Variants in SPINK2 observed in about 807,000 individuals in gnomAD.
SPINK2 encodes the protein serine peptidase inhibitor Kazal type 2.
A neutral mutation model predicts 13.5 loss-of-function variants in SPINK2; 8 were observed. That is an observed-to-expected ratio of 0.59 (90% CI 0.35 to 1.07). SPINK2 has a LOEUF of 1.07. Ranked by LOEUF, SPINK2 falls within the 50% of genes least tolerant of loss-of-function variation. SPINK2 has a pLI of 0.02. For missense variants in SPINK2, 148 were observed against 180.3 expected, an observed-to-expected ratio of 0.82 and a Z score of 1.03; for synonymous variants, 76 against 74.7, an observed-to-expected ratio of 1.02 and a Z score of -0.09.
intron 2 of SPINK2, among the ~76,000 whole-genome samples, chr4:56,812,563 C>CAAAAAAAAAAAAAAAA (rs57162077): frequency 3.7e-4 from 6 of 16,368 alleles, no homozygotes; most frequent in Non-Finnish European, 4.9e-4. Flanking sequence ...AACTCCATCT[C>CAAAAAAAAAAAAAAAA]AAAAAAAAAA....
At chr4:56,820,501 A>G in intron 2 of SPINK2, 35 bp downstream of exon 2, 1 of 1,569,134 alleles carries the variant, frequency 6.4e-7, no homozygotes, top group Non-Finnish European at 8.8e-7. Context: ...GCTTCACTGT[A>G]TTAGTAGAAA....
chr4:56,811,629 G>GAA (rs796760763), intron 3 of SPINK2, 56 bp downstream of exon 3: 6 of 1,162,490 alleles, frequency 5.2e-6, no homozygotes, highest in Non-Finnish European at 7.3e-6. Context: ...AAAAAAAGAA[G>GAA]AAAAAAAAAG....
At chr4:56,818,426 A>C (rs972636305) in intron 2 of SPINK2, 14 of 152,178 alleles carry the variant, frequency 9.2e-5, no homozygotes, top group African/African-American at 3.4e-4. Flanking sequence ...TGGAAGGCCA[A>C]GGTGGGTGCA....
chr4:56,809,861 T>G lies in SPINK2; in HGVS notation c.*278A>C, dbSNP rs912192002. The G allele has an allele frequency of 5.5e-6, 4 of 725,782 alleles. No homozygotes were observed. Among genetic ancestry groups the G allele is most frequent in the Non-Finnish European group, 8.5e-6 (4 of 471,712 alleles). The allele number at this position is 725,782 out of a possible 1,614,324, so 45.0% of individuals were successfully genotyped here. Reference sequence around the variant, plus strand: ...ATTTTCAACAGAGAACAGTAGGAACTGAATTCAATGCTGATTTTATTTCAA... The same window carrying G: ...ATTTTCAACAGAGAACAGTAGGAACGGAATTCAATGCTGATTTTATTTCAA... On this transcript the variant is annotated 3_prime_UTR_variant, in exon 4 of 4. Coordinates refer to ENST00000506738, the MANE Select transcript of SPINK2 (RefSeq NM_001271718.2).
intron 3 of SPINK2, among the ~76,000 whole-genome samples, chr4:56,811,308 T>A (rs544085351): frequency 2.0e-5 from 3 of 152,108 alleles, no homozygotes; most frequent in Non-Finnish European, 4.4e-5. Flanking sequence ...ACCCCCTAAG[T>A]AATCAAAATT....
Position 56,821,531 on chromosome 4 carries a change from G to T in SPINK2, c.132C>A (p.Pro44=). Residue 44 remains proline, a synonymous_variant, in exon 1 of 4, where the codon CCC becomes CCA. Transcript: ENST00000506738. ...CGCCGAGGCCGCCCGGAGCAGGGCAGGGTCCGCCGCCGGTCTGACTCCCAA... is the reference window on the plus strand; with the variant it reads ...CGCCGAGGCCGCCCGGAGCAGGGCATGGTCCGCCGCCGGTCTGACTCCCAA... ...SGFGSQTGGG[P]CPAPGGLGDG... 1.3e-6 allele frequency: 2 copies of T among 1,545,294 alleles called. No homozygotes were observed. The highest frequency in any genetic ancestry group is 2.4e-5 in the East Asian group (1 of 40,854).
intron 2 of SPINK2, among the ~76,000 whole-genome samples, chr4:56,819,614 C>CTTTTTTTTTTTTTTTT: frequency 1.0e-5 from 1 of 96,058 alleles, no homozygotes; most frequent in Non-Finnish European, 2.0e-5. Flanking sequence ...ACTTTTTTTT[C>CTTTTTTTTTTTTTTTT]TTTCTTTTTT....
In SPINK2 at chr4:56,821,503, C is replaced by T. The variant is rs1314953888; in HGVS notation, c.160G>A (p.Gly54Ser). The change falls in exon 1 of 4, where the codon GGT becomes AGT. Residue 54 changes from glycine to serine, a missense_variant. Gly to Ser is a moderately conservative substitution (Grantham distance 56, BLOSUM62 0). Transcript: ENST00000506738. ...PCPAPGGLGD[G>S]TRAPVTGGSP... ...CCGCCAGTAACGGGCGCGCGGGTAC[C>T]GTCGCCGAGGCCGCCCGGAGCAGGG... 1.9e-6 allele frequency: 3 copies of T among 1,539,594 alleles called. No homozygotes were observed. The highest frequency in any genetic ancestry group is 2.0e-5 in the Admixed American group (1 of 50,614).
At chr4:56,819,508 A>C (rs993157424) in intron 2 of SPINK2, among the ~76,000 whole-genome samples, 1 of 152,230 alleles carries the variant, frequency 6.6e-6, no homozygotes, top group Non-Finnish European at 1.5e-5. Context: ...CCAGCCGGCT[A>C]TAAGCCAGAC....
intron 2 of SPINK2, among the ~76,000 whole-genome samples, chr4:56,817,708 G>A (rs1717572641): frequency 6.6e-6 from 1 of 152,138 alleles, no homozygotes; most frequent in Non-Finnish European, 1.5e-5. Context: ...ATAGAAATTA[G>A]CCGAGCATGG....
At chr4:56,815,762 T>TCACACACACACA (rs140055216) in intron 2 of SPINK2, among the ~76,000 whole-genome samples, 2,710 of 143,008 alleles carry the variant, frequency 0.019, 32 homozygotes, top group Non-Finnish European at 0.027. Flanking sequence ...CCTAAGAAAT[T>TCACACACACACA]CACACACACA....
chr4:56,821,449 T>A lies in SPINK2; in HGVS notation c.205+9A>T. The A allele has an allele frequency of 2.6e-6, 4 of 1,509,978 alleles. No individual in the cohort carries two copies. Among genetic ancestry groups the A allele is most frequent in the Non-Finnish European group, 3.5e-6 (4 of 1,134,618 alleles). The allele number at this position is 1,509,978 out of a possible 1,614,324, so 93.5% of individuals were successfully genotyped here. On this transcript the variant is annotated intron_variant, in intron 1 of 3. Transcript: ENST00000506738. ...CCACCCCCACAACCCCCAGTTCGCGTTCCTCCACCTGGCAGGTCCTCTGGG... is the reference window on the plus strand; with the variant it reads ...CCACCCCCACAACCCCCAGTTCGCGATCCTCCACCTGGCAGGTCCTCTGGG...
At chr4:56,817,061 G>C (rs1717513104) in intron 2 of SPINK2, among the ~76,000 whole-genome samples, 1 of 151,874 alleles carries the variant, frequency 6.6e-6, no homozygotes, top group South Asian at 2.1e-4. Flanking sequence ...AATTAGCTGG[G>C]CGTGGTGGCA....
At chr4:56,816,827 G>A (rs967552136) in intron 2 of SPINK2, 3 of 150,498 alleles carry the variant, frequency 2.0e-5, no homozygotes, top group Non-Finnish European at 4.4e-5. Flanking sequence ...GCAGTGAGTC[G>A]AGATGGCTCC....
chr4:56,820,823 AT>A (rs949836073), intron 1 of SPINK2, among the ~76,000 whole-genome samples: 1 of 152,044 alleles, frequency 6.6e-6, no homozygotes, highest in African/African-American at 2.4e-5. Context: ...CACATCTTCT[AT>A]TTTCCCCTCT....
chr4:56,810,208 A>G (rs1286896682), intron 3 of SPINK2, 24 bp from the exon 4 acceptor site: 3 of 1,587,312 alleles, frequency 1.9e-6, no homozygotes, highest in Non-Finnish European at 2.6e-6. Context: ...AATCATAGAA[A>G]TACATTTATT....
chr4:56,818,966 T>C (rs1361392749), intron 2 of SPINK2, among the ~76,000 whole-genome samples: 1 of 152,124 alleles, frequency 6.6e-6, no homozygotes. Context: ...AATTACAACC[T>C]AATGTTGTGA....
intron 2 of SPINK2, among the ~76,000 whole-genome samples, chr4:56,819,262 C>T (rs915388264): frequency 5.9e-5 from 9 of 152,164 alleles, no homozygotes; most frequent in African/African-American, 2.2e-4. Flanking sequence ...GGAAGGGAAT[C>T]GCGTGGGAAG....
intron 3 of SPINK2, among the ~76,000 whole-genome samples, chr4:56,810,871 C>T (rs1261907209): frequency 6.6e-6 from 1 of 151,868 alleles, no homozygotes; most frequent in African/African-American, 2.4e-5. Context: ...ATAATGAATC[C>T]CTGCTATATA....
Sources: allele counts gnomAD v4.1 joint callset (sites outside exome capture counted in the v4.1 genomes callset), GRCh38; gene constraint gnomAD v4.1.1; transcripts MANE v1.5; gene names NCBI Gene and HGNC (gene_info 2026-07-23, HGNC 2026-07-21).